GPD2: variants seen among roughly 807,000 people sequenced by gnomAD.
GPD2 encodes glycerol-3-phosphate dehydrogenase, mitochondrial.
In GPD2, 54 loss-of-function variants were observed where a neutral mutation model predicts 82.4. The observed-to-expected ratio is 0.66, with a 90% confidence interval of 0.53 to 0.82. The LOEUF is 0.82. GPD2 is among the 40% of genes least tolerant of loss of function. The probability of loss-of-function intolerance (pLI) is 0.00; values close to 1 mark genes in which losing one functional copy is unlikely to be tolerated. For synonymous variants in GPD2, 288 were observed against 306.1 expected, an observed-to-expected ratio of 0.94 and a Z score of 0.62; for missense variants, 748 against 896.2, an observed-to-expected ratio of 0.83 and a Z score of 2.11.
intron 3 of GPD2, among the ~76,000 whole-genome samples, chr2:156,497,783 G>A (rs960137880): frequency 6.2e-4 from 94 of 152,276 alleles, no homozygotes; most frequent in African/African-American, 2.2e-3. Flanking sequence ...ACAGGCACAG[G>A]AAGTCTACTC....
At chr2:156,526,579 T>C (rs1685616832) in intron 6 of GPD2, among the ~76,000 whole-genome samples, 1 of 119,184 alleles carries the variant, frequency 8.4e-6, no homozygotes, top group South Asian at 3.2e-4. Context: ...TTTTAAAATT[T>C]AGAGATAAAG....
intron 8 of GPD2, among the ~76,000 whole-genome samples, chr2:156,552,153 C>G (rs1425530535): frequency 1.3e-5 from 2 of 152,180 alleles, no homozygotes; most frequent in East Asian, 3.8e-4. Flanking sequence ...TCTTATCCAC[C>G]AACTTCCAAG....
chr2:156,570,546 T>C (rs761223325), intron 12 of GPD2, among the ~76,000 whole-genome samples: 2 of 152,174 alleles, frequency 1.3e-5, no homozygotes, highest in Non-Finnish European at 2.9e-5. Context: ...CCTACCTACA[T>C]ATCTTGTGAC....
At chr2:156,448,298 C>T (rs1187266483) in intron 1 of GPD2, among the ~76,000 whole-genome samples, 3 of 151,950 alleles carry the variant, frequency 2.0e-5, no homozygotes, top group South Asian at 2.1e-4. Context: ...TTAGTAGAGA[C>T]GGGGTTTCAC....
chr2:156,429,099 A>T, the GPD2 span, among the ~76,000 whole-genome samples: 1 of 152,196 alleles, frequency 6.6e-6, no homozygotes, highest in Admixed American at 6.5e-5. Flanking sequence ...TCTTTTTTTA[A>T]AATCATGTTA....
At chr2:156,499,353 G>A (rs1684502545) in intron 3 of GPD2, among the ~76,000 whole-genome samples, 1 of 152,098 alleles carries the variant, frequency 6.6e-6, no homozygotes, top group African/African-American at 2.4e-5. Context: ...TGAGAACTGA[G>A]TGGATATCAA....
chr2:156,532,032 C>G (rs1305903266), intron 6 of GPD2, among the ~76,000 whole-genome samples: 1 of 151,680 alleles, frequency 6.6e-6, no homozygotes, highest in Non-Finnish European at 1.5e-5. Context: ...GTGACAAAGT[C>G]TCGTTCAGTT....
chr2:156,571,290 C>A lies in GPD2; in HGVS notation c.1765C>A (p.Gln589Lys), dbSNP rs551849337. The A allele has an allele frequency of 6.3e-7, 1 of 1,598,000 alleles. No individual in the cohort carries two copies. Among genetic ancestry groups the A allele is most frequent in the Non-Finnish European group, 8.5e-7 (1 of 1,169,632 alleles). The change falls in exon 13 of 17, where the codon CAG becomes AAG. Residue 589 changes from glutamine (Q) to lysine (K), a missense_variant and splice_region_variant. Coordinates refer to ENST00000438166, the MANE Select transcript of GPD2 (RefSeq NM_000408.5). ...ACTGAATTGGGATGATTATAAGAAG[C>A]AGGTATTATATAGAAGTCTTTAAAA... ...RELNWDDYKK[Q>K]EQLETARKFL...
chr2:156,550,488 G>C, intron 7 of GPD2, 114 bp from the exon 8 acceptor site: 1 of 1,026,654 alleles, frequency 9.7e-7, no homozygotes, highest in Non-Finnish European at 1.5e-6. Context: ...GTCACTTAGT[G>C]TGGTATGCAG....
intron 6 of GPD2, among the ~76,000 whole-genome samples, chr2:156,541,555 G>A (rs1686311579): frequency 6.6e-6 from 1 of 152,110 alleles, no homozygotes; most frequent in East Asian, 1.9e-4. Flanking sequence ...AGTTTCCTGG[G>A]CTTAAGATGC....
At chr2:156,538,644 C>T (rs991380359) in intron 6 of GPD2, among the ~76,000 whole-genome samples, 28 of 151,820 alleles carry the variant, frequency 1.8e-4, no homozygotes, top group African/African-American at 6.8e-4. Context: ...CACGGTGAAA[C>T]CCCGTCTCTA....
intron 2 of GPD2, among the ~76,000 whole-genome samples, chr2:156,487,809 A>T (rs1684002444): frequency 6.6e-6 from 1 of 152,216 alleles, no homozygotes; most frequent in Non-Finnish European, 1.5e-5. Flanking sequence ...ATTCTGTTTT[A>T]AAAATATTTG....
chr2:156,539,886 C>G (rs573920519), intron 6 of GPD2, among the ~76,000 whole-genome samples: 1 of 152,208 alleles, frequency 6.6e-6, no homozygotes, highest in East Asian at 1.9e-4. Context: ...TTTCAGTTGG[C>G]TTATTTGAAA....
At chr2:156,530,376 A>G (rs1045505399) in intron 6 of GPD2, among the ~76,000 whole-genome samples, 1 of 147,672 alleles carries the variant, frequency 6.8e-6, no homozygotes, top group African/African-American at 2.5e-5. Context: ...TCATCTGCAA[A>G]CAGGGACAAT....
chr2:156,574,323 CT>C (rs2105370935), intron 13 of GPD2, among the ~76,000 whole-genome samples: 1 of 152,254 alleles, frequency 6.6e-6, no homozygotes, highest in South Asian at 2.1e-4. Context: ...AGTAAAACCA[CT>C]TCCTTTAGTG....
intron 2 of GPD2, among the ~76,000 whole-genome samples, chr2:156,480,774 C>CTTTT (rs373482615): frequency 7.3e-6 from 1 of 136,574 alleles, no homozygotes; most frequent in Non-Finnish European, 1.6e-5. Flanking sequence ...ATCTCTCTCT[C>CTTTT]TTTTTTTTTT....
intron 3 of GPD2, among the ~76,000 whole-genome samples, chr2:156,505,244 C>T (rs1684742676): frequency 2.0e-5 from 3 of 152,056 alleles, no homozygotes; most frequent in Admixed American, 2.0e-4. Context: ...CTAGAAGATA[C>T]AATTTCAGTT....
intron 1 of GPD2, among the ~76,000 whole-genome samples, chr2:156,441,451 C>G (rs1219331896): frequency 6.6e-6 from 1 of 151,984 alleles, no homozygotes; most frequent in Admixed American, 6.6e-5. Context: ...CCTCACTACC[C>G]TGGAGGCTGA....
At chr2:156,551,222 A>G (rs1686748194) in intron 8 of GPD2, among the ~76,000 whole-genome samples, 1 of 152,226 alleles carries the variant, frequency 6.6e-6, no homozygotes, top group South Asian at 2.1e-4. Context: ...TGTAGCAAGC[A>G]AAAACCAGAT....
Sources: allele counts gnomAD v4.1 joint callset (sites outside exome capture counted in the v4.1 genomes callset), GRCh38; gene constraint gnomAD v4.1.1; transcripts MANE v1.5; gene names NCBI Gene and HGNC (gene_info 2026-07-23, HGNC 2026-07-21).